ZNF771: variants seen among roughly 807,000 people sequenced by gnomAD.
ZNF771 encodes the protein mesenchymal stem cell protein DSC43.
Under a neutral mutation model 27.6 loss-of-function variants are expected in ZNF771, and 10 were observed. The ratio of observed to expected loss-of-function variants is 0.36; its 90% CI spans 0.22 to 0.61. ZNF771 has a LOEUF of 0.61. Ranked by LOEUF, ZNF771 falls within the 20% of genes least tolerant of loss-of-function variation. The pLI, the probability that ZNF771 is intolerant of heterozygous loss-of-function variation, is 0.70. For missense variants in ZNF771, 438 were observed against 503.7 expected (o/e 0.87, Z 1.25); for synonymous variants, 261 against 225.2 (o/e 1.16, Z -1.43).
At chr16:30,408,252 T>G (rs1223521459) in intron 2 of ZNF771, 58 bp downstream of exon 2, 1 of 1,610,478 alleles carries the variant, frequency 6.2e-7, no homozygotes, top group Non-Finnish European at 8.5e-7. Flanking sequence ...AGGCCCAGCC[T>G]CCCTCAGATA....
chr16:30,417,477 G>A (rs2050140230), intron 2 of ZNF771, 78 bp from the exon 3 acceptor site: 1 of 1,009,624 alleles, frequency 9.9e-7, no homozygotes, highest in South Asian at 5.1e-5. Flanking sequence ...GGCTCACAGA[G>A]GGAGCAGCCT....
intron 2 of ZNF771, 81 bp from the exon 3 acceptor site, chr16:30,417,459 GGAACTGAGGCTCACA>G: frequency 1.2e-6 from 1 of 834,630 alleles, no homozygotes; most frequent in Admixed American, 4.6e-5. Flanking sequence ...TCATAGATGG[GGAACTGAGGCTCACA>G]GAGGGAGCAG....
At chr16:30,409,670 G>C (rs957374247) in intron 2 of ZNF771, among the ~76,000 whole-genome samples, 1 of 152,170 alleles carries the variant, frequency 6.6e-6, no homozygotes, top group East Asian at 1.9e-4. Flanking sequence ...GCTGGGTGCT[G>C]GGGGAGGGGA....
At chr16:30,416,580 C>G (rs538833701) in intron 2 of ZNF771, among the ~76,000 whole-genome samples, 47 of 152,322 alleles carry the variant, frequency 3.1e-4, no homozygotes, top group African/African-American at 1.1e-3. Flanking sequence ...CCACCGTCCA[C>G]TTCTGTCACC....
chr16:30,408,245 C>A lies in ZNF771; in HGVS notation c.141+51C>A, dbSNP rs1026238277. On this transcript the variant is annotated intron_variant, in intron 2 of 2. Coordinates refer to ENST00000319296, the MANE Select transcript of ZNF771 (RefSeq NM_001142305.2). ...ACACTGTCCCCAAACCTGGTCCAGG[C>A]CCAGCCTCCCTCAGATAGAAGCCAG... is the stretch of plus-strand genomic sequence containing the variant. 8.1e-6 allele frequency: 13 copies of A among 1,611,326 alleles called. No homozygotes were observed. In the African/African-American group the frequency reaches 1.6e-4, roughly 20 times the overall value.
Position 30,417,538 on chromosome 16 carries a change from TC to T in ZNF771, c.142-12del. 1.6e-6 allele frequency: 2 copies of T among 1,214,610 alleles called. No homozygotes were observed. Among genetic ancestry groups the T allele is most frequent in the Non-Finnish European group, 2.0e-6 (2 of 977,946 alleles). 75.2% of individuals were successfully genotyped at this position (1,214,610 alleles called of 1,614,324 possible). A position where few individuals can be genotyped will look rare whatever the true frequency, so the allele number is the denominator to read the frequency against. On this transcript the variant is annotated splice_polypyrimidine_tract_variant and intron_variant, in intron 2 of 2. Transcript: ENST00000319296. The stretch of plus-strand genomic sequence containing the variant: ...GGGCCTGCCGCTAAGGGCTGACCTA[TC>T]CCCCTCTCCCCGCAGGTCCCGGGCG...
At position 30,412,674 on chromosome 16, in the gene ZNF771, G is replaced by A. The variant is rs1014321204; in HGVS notation, c.141+4480G>A. On this transcript the variant is annotated intron_variant, in intron 2 of 2. Transcript: ENST00000319296. The stretch of plus-strand genomic sequence containing the variant: ...GGGTGTGGTGGCACACCCCTGTAGC[G>A]CCAGCTATTTGGGGGGTTGAGTCAG... 3.3e-5 allele frequency among the ~76,000 whole-genome samples: 5 copies of A among 152,046 alleles called. No homozygotes were observed. In the East Asian group the frequency reaches 5.8e-4, roughly 18 times the overall value.
Position 30,417,612 on chromosome 16 carries a change from G to C in ZNF771, c.199G>C (p.Asp67His), listed in dbSNP as rs981284584. The C allele has an allele frequency of 1.4e-5, 19 of 1,313,900 alleles. No individual in the cohort carries two copies. The highest frequency in any genetic ancestry group is 9.6e-6 in the Non-Finnish European group (10 of 1,036,376). 81.4% of individuals were successfully genotyped at this position (1,313,900 alleles called of 1,614,324 possible). ...CCCGGCGCGTCCCCACGCGTGCCCC[G>C]ACTGCGGCCGCGCCTTCGCGCGCCG... ...ADPARPHACP[D>H]CGRAFARRST... The change falls in exon 3 of 3, where the codon GAC becomes CAC. Residue 67 changes from aspartate to histidine, a missense_variant. This residue lies in a region of ZNF771 where 84 missense variants were observed against 89.2 expected (regional missense o/e 0.94). Coordinates refer to ENST00000319296, the MANE Select transcript of ZNF771 (RefSeq NM_001142305.2).
chr16:30,418,484 C>A lies in ZNF771; in HGVS notation c.*117C>A. 1 of 1,090,612 alleles carries A rather than the reference C, an allele frequency of 9.2e-7. No individual in the cohort carries two copies. The allele number at this position is 1,090,612 out of a possible 1,614,324, so 67.6% of individuals were successfully genotyped here. On this transcript the variant is annotated 3_prime_UTR_variant, in exon 3 of 3. Transcript: ENST00000319296. ...TTGAGGGGACGGCAGGCCCGGCTGC[C>A]CTGGAACTGGGAGACAGGGAGAATC... is the stretch of plus-strand genomic sequence containing the variant.
At chr16:30,413,394 C>T (rs1459734623) in intron 2 of ZNF771, among the ~76,000 whole-genome samples, 2 of 152,174 alleles carry the variant, frequency 1.3e-5, no homozygotes, top group Non-Finnish European at 1.5e-5. Context: ...AATAGATTCA[C>T]ATTGTTTTGT....
chr16:30,415,841 A>T (rs2050131168), intron 2 of ZNF771, among the ~76,000 whole-genome samples: 1 of 152,164 alleles, frequency 6.6e-6, no homozygotes, highest in Non-Finnish European at 1.5e-5. Context: ...CACAGTAGAT[A>T]CGCGACATCA....
At position 30,417,960 on chromosome 16, in the gene ZNF771, G is replaced by A; in HGVS notation, c.547G>A (p.Ala183Thr). The change falls in exon 3 of 3, where the codon GCC becomes ACC. Residue 183 changes from alanine (A) to threonine (T), a missense_variant. Ala to Thr is a moderately conservative substitution (Grantham distance 58). Coordinates refer to ENST00000319296, the MANE Select transcript of ZNF771 (RefSeq NM_001142305.2). ...GTACGCGTGCCCGGACTGCGGACGC[G>A]CCTTTGGCGGCAGCTCGTGCCTGGC... ...KPYACPDCGR[A>T]FGGSSCLARH... 1.3e-6 allele frequency: 2 copies of A among 1,494,764 alleles called. No homozygotes were observed. Among genetic ancestry groups the A allele is most frequent in the South Asian group, 1.3e-5 (1 of 79,696 alleles). 92.6% of individuals were successfully genotyped at this position (1,494,764 alleles called of 1,614,324 possible).
At chr16:30,408,222 A>G (rs745485910) in intron 2 of ZNF771, 28 bp downstream of exon 2, 1 of 1,613,462 alleles carries the variant, frequency 6.2e-7, no homozygotes. Flanking sequence ...CCTGGGGCAC[A>G]CTGTCCCCAA....
intron 2 of ZNF771, 79 bp downstream of exon 2, chr16:30,408,273 A>T: frequency 1.3e-6 from 2 of 1,591,156 alleles, no homozygotes; most frequent in South Asian, 2.2e-5. Flanking sequence ...GAAGCCAGGG[A>T]TCTTGCCCCT....
rs1347312744 is a variant in ZNF771, at chr16:30,418,028, C to T, written c.615C>T (p.Cys205=). ...RTHTGERPYA[C]ADCGTRFAQS... ...ACACGGGCGAGCGGCCCTACGCTTG[C>T]GCCGACTGCGGCACGCGCTTCGCTC... The change falls in exon 3 of 3, where the codon TGC becomes TGT. Residue 205 remains cysteine (C), a synonymous_variant. Transcript: ENST00000319296. 6.9e-7 allele frequency: 1 copy of T among 1,450,092 alleles called. No homozygotes were observed. The highest frequency in any genetic ancestry group is 9.0e-7 in the Non-Finnish European group (1 of 1,111,746). The allele number at this position is 1,450,092 out of a possible 1,614,324, so 89.8% of individuals were successfully genotyped here.
Position 30,417,950 on chromosome 16 carries a change from C to G in ZNF771, c.537C>G (p.Asp179Glu). 2.0e-6 allele frequency: 3 copies of G among 1,507,134 alleles called. No individual in the cohort carries two copies. The highest frequency in any genetic ancestry group is 2.6e-6 in the Non-Finnish European group (3 of 1,137,470). The allele number at this position is 1,507,134 out of a possible 1,614,324, so 93.4% of individuals were successfully genotyped here. ...HTGEKPYACP[D>E]CGRAFGGSSC... ...GCGAGAAGCCGTACGCGTGCCCGGA[C>G]TGCGGACGCGCCTTTGGCGGCAGCT... Residue 179 changes from aspartate to glutamate, a missense_variant, in exon 3 of 3, where the codon GAC becomes GAG. By Grantham distance (45) the Asp-to-Glu change is conservative. Transcript: ENST00000319296.
At chr16:30,407,767 G>C (rs1400945572) in intron 1 of ZNF771, 103 bp downstream of exon 1, 2 of 240,950 alleles carry the variant, frequency 8.3e-6, no homozygotes, top group South Asian at 5.9e-5. Flanking sequence ...GTGACTCAGC[G>C]CAAGGATGGT....
chr16:30,410,347 C>T (rs1481740600), intron 2 of ZNF771, among the ~76,000 whole-genome samples: 3 of 152,112 alleles, frequency 2.0e-5, no homozygotes, highest in East Asian at 3.9e-4. Context: ...ATGATCCGCC[C>T]GCCTCGGCCT....
chr16:30,418,378 G>A lies in ZNF771; in HGVS notation c.*11G>A, dbSNP rs1462618993. On this transcript the variant is annotated 3_prime_UTR_variant, in exon 3 of 3. Coordinates refer to ENST00000319296, the MANE Select transcript of ZNF771 (RefSeq NM_001142305.2). ...TGTGAGGGCAGCTGAGTCCCGCAGG[G>A]CTGCGGAGGGGCGCGCTGGGGCTTC... 10 of 1,373,950 alleles carry A rather than the reference G, an allele frequency of 7.3e-6. No individual in the cohort carries two copies. The East Asian group carries it at 2.8e-4, about 38-fold the overall frequency. The allele number at this position is 1,373,950 out of a possible 1,614,324, so 85.1% of individuals were successfully genotyped here. A position where few individuals can be genotyped will look rare whatever the true frequency, so the allele number is the denominator to read the frequency against.
Sources: gnomAD v4.1 joint callset for allele counts (sites outside exome capture counted in the v4.1 genomes callset) on GRCh38, gnomAD v4.1.1 for gene constraint, gnomAD v4.1.1 regional missense constraint, MANE v1.5 for transcripts, NCBI Gene and HGNC (gene_info 2026-07-23, HGNC 2026-07-21) for gene names.